Variants in ANLN observed in about 807,000 individuals in gnomAD.
ANLN encodes the protein anillin.
Under a neutral mutation model 135.1 loss-of-function variants are expected in ANLN, and 59 were observed. That is an observed-to-expected ratio of 0.44 (90% CI 0.35 to 0.54). ANLN has a LOEUF of 0.54. ANLN is among the 20% of genes least tolerant of loss of function. The probability of loss-of-function intolerance (pLI) is 0.00; values close to 1 mark genes in which losing one functional copy is unlikely to be tolerated. For synonymous variants in ANLN, 406 were observed against 456.4 expected (o/e 0.89, Z 1.41); for missense variants, 1,182 against 1,340.0 (o/e 0.88, Z 1.84).
rs1789297628 is a variant in ANLN, at chr7:36,452,689, G to A, written c.*89G>A. 1.3e-6 allele frequency: 2 copies of A among 1,499,856 alleles called. No homozygotes were observed. Among genetic ancestry groups the A allele is most frequent in the African/African-American group, 1.4e-5 (1 of 72,032 alleles). 92.9% of individuals were successfully genotyped at this position (1,499,856 alleles called of 1,614,324 possible). A position where few individuals can be genotyped will look rare whatever the true frequency, so the allele number is the denominator to read the frequency against. Reference sequence around the variant, plus strand: ...ATCAGATTTACTGATTGCATTTTATGCTTTAAGTACGAAAGGGTTTGTGCC... The same window carrying A: ...ATCAGATTTACTGATTGCATTTTATACTTTAAGTACGAAAGGGTTTGTGCC... On this transcript the variant is annotated 3_prime_UTR_variant, in exon 24 of 24. Transcript: ENST00000265748.
At chr7:36,440,006 G>A (rs1788701035) in intron 21 of ANLN, among the ~76,000 whole-genome samples, 1 of 152,218 alleles carries the variant, frequency 6.6e-6, no homozygotes, top group African/African-American at 2.4e-5. Context: ...AAAGCAGATT[G>A]GAGAATGACA....
chr7:36,424,644 A>G, intron 16 of ANLN, 42 bp from the exon 17 acceptor site: 3 of 1,603,570 alleles, frequency 1.9e-6, no homozygotes, highest in Non-Finnish European at 2.6e-6. Context: ...TTTCTTAACA[A>G]TATCAGATTA....
At chr7:36,390,754 C>A (rs1786414340) in intron 1 of ANLN, among the ~76,000 whole-genome samples, 1 of 152,210 alleles carries the variant, frequency 6.6e-6, no homozygotes, top group African/African-American at 2.4e-5. Flanking sequence ...CTTATTTCAT[C>A]TTTTGTTCCT....
chr7:36,406,135 T>G (rs1393042290), intron 3 of ANLN, 46 bp from the exon 4 acceptor site: 1 of 1,530,034 alleles, frequency 6.5e-7, no homozygotes, highest in Non-Finnish European at 8.8e-7. Flanking sequence ...TACGTAAGCA[T>G]TACTCTTAAA....
chr7:36,404,743 AC>A (rs1787117588), intron 3 of ANLN, among the ~76,000 whole-genome samples: 1 of 152,192 alleles, frequency 6.6e-6, no homozygotes, highest in South Asian at 2.1e-4. Context: ...AATAAAGGCT[AC>A]TTGAACACAA....
At chr7:36,428,428 A>T (rs1788174807) in intron 20 of ANLN, 1 of 897,202 alleles carries the variant, frequency 1.1e-6, no homozygotes, top group African/African-American at 1.8e-5. Flanking sequence ...TGATCTACAT[A>T]TATTTGTTTT....
At chr7:36,417,015 A>G in intron 8 of ANLN, 65 bp from the exon 9 acceptor site, 3 of 859,358 alleles carry the variant, frequency 3.5e-6, no homozygotes, top group Non-Finnish European at 5.3e-6. Context: ...CACACACAAG[A>G]TTCCATAATT....
At chr7:36,404,355 A>G (rs1487699476) in intron 3 of ANLN, among the ~76,000 whole-genome samples, 1 of 152,172 alleles carries the variant, frequency 6.6e-6, no homozygotes, top group East Asian at 1.9e-4. Context: ...CACGACCACC[A>G]GTGGATGTCT....
chr7:36,418,407 A>G (rs2116646166), intron 9 of ANLN, among the ~76,000 whole-genome samples: 1 of 152,326 alleles, frequency 6.6e-6, no homozygotes, highest in East Asian at 1.9e-4. Flanking sequence ...TGTGAGGCCT[A>G]ATGCACCCAA....
chr7:36,444,028 G>C (rs1408575390), intron 22 of ANLN, among the ~76,000 whole-genome samples, 166 bp downstream of exon 22: 1 of 152,154 alleles, frequency 6.6e-6, no homozygotes, highest in East Asian at 1.9e-4. Flanking sequence ...AGTGGCTTAC[G>C]CCTATAATCC....
At chr7:36,426,179 A>G (rs866740727) in intron 19 of ANLN, 143 bp downstream of exon 19, 1 of 662,924 alleles carries the variant, frequency 1.5e-6, no homozygotes, top group Middle Eastern at 2.8e-4. Flanking sequence ...TGAGTTTCTT[A>G]GTAACAGGAT....
In ANLN at chr7:36,424,736, G is replaced by C. The variant is rs774935689; in HGVS notation, c.2703G>C (p.Lys901Asn). 2 of 1,611,688 alleles carry C rather than the reference G, an allele frequency of 1.2e-6. No individual in the cohort carries two copies. The highest frequency in any genetic ancestry group is 2.2e-5 in the South Asian group (2 of 90,652). Residue 901 changes from lysine (K) to asparagine (N), a missense_variant, in exon 17 of 24, where the codon AAG (lysine) becomes AAC (asparagine). By Grantham distance (94) the Lys-to-Asn change is moderately conservative. Transcript: ENST00000265748. ...TTGATAAGAAGAAAAAAACATCCAA[G>C]TCCAAGGTGAGAATTAAAGAAACCC... is the stretch of plus-strand genomic sequence containing the variant. The part of the protein sequence containing the change: ...SGLDKKKKTS[K>N]SKAITPKRLL...
intron 17 of ANLN, 138 bp downstream of exon 17, chr7:36,424,880 G>T: frequency 1.3e-6 from 1 of 782,102 alleles, no homozygotes; most frequent in East Asian, 2.7e-5. Context: ...TAGTTACTAT[G>T]TTAAATAGGT....
intron 20 of ANLN, among the ~76,000 whole-genome samples, chr7:36,432,563 A>G (rs1233590372): frequency 2.0e-5 from 3 of 152,228 alleles, no homozygotes; most frequent in Non-Finnish European, 4.4e-5. Context: ...ATATTTGTTT[A>G]CATTTCTCCT....
intron 20 of ANLN, among the ~76,000 whole-genome samples, chr7:36,428,766 A>ATAAAAGCAG (rs1329836989): frequency 6.7e-6 from 1 of 148,194 alleles, no homozygotes; most frequent in Non-Finnish European, 1.5e-5. Flanking sequence ...GATGTTTTAA[A>ATAAAAGCAG]TAAAAGCAGA....
intron 3 of ANLN, among the ~76,000 whole-genome samples, chr7:36,404,794 G>T (rs1315385908): frequency 6.6e-6 from 1 of 152,152 alleles, no homozygotes; most frequent in Non-Finnish European, 1.5e-5. Context: ...AACCAAGACG[G>T]CTATAAAGTG....
chr7:36,413,993 C>CAA (rs35961056), intron 7 of ANLN, among the ~76,000 whole-genome samples: 3 of 133,980 alleles, frequency 2.2e-5, no homozygotes, highest in East Asian at 4.3e-4. Flanking sequence ...GACTCCGTCT[C>CAA]AAAAAAAAAA....
At chr7:36,402,483 CCTCAATTTTCACACCA>C (rs1786994984) in intron 3 of ANLN, among the ~76,000 whole-genome samples, 1 of 152,100 alleles carries the variant, frequency 6.6e-6, no homozygotes, top group Non-Finnish European at 1.5e-5. Context: ...TCCAGTCCCT[CCTCAATTTTCACACCA>C]GCGCGATTTT....
intron 2 of ANLN, 22 bp from the exon 3 acceptor site, chr7:36,399,055 CTT>C (rs745891770): frequency 2.6e-6 from 4 of 1,562,490 alleles, no homozygotes; most frequent in Non-Finnish European, 3.5e-6. Context: ...ATTTGAATGT[CTT>C]TTTTCATCGT....
Sources: gnomAD v4.1 joint callset for allele counts (sites outside exome capture counted in the v4.1 genomes callset) on GRCh38, gnomAD v4.1.1 for gene constraint, MANE v1.5 for transcripts, NCBI Gene and HGNC (gene_info 2026-07-23, HGNC 2026-07-21) for gene names.